The following ZDHHC11 variants were observed in gnomAD, a reference collection of about 807,000 sequenced individuals.
ZDHHC11 encodes the protein zDHHC palmitoyltransferase 11.
Under a neutral mutation model 51.3 loss-of-function variants are expected in ZDHHC11, and 44 were observed. That is an observed-to-expected ratio of 0.86 (90% CI 0.67 to 1.10). ZDHHC11 has a LOEUF of 1.10. Among genes scored for constraint, ZDHHC11 ranks in the 50% least tolerant of loss-of-function variants. ZDHHC11 has a pLI of 0.00. For synonymous variants in ZDHHC11, 163 were observed against 222.0 expected, an observed-to-expected ratio of 0.73 and a Z score of 2.36; for missense variants, 400 against 537.7, an observed-to-expected ratio of 0.74 and a Z score of 2.53.
intron 11 of ZDHHC11, among the ~76,000 whole-genome samples, chr5:813,051 C>T (rs1341694041): frequency 6.9e-6 from 1 of 144,404 alleles, no homozygotes; most frequent in African/African-American, 2.7e-5. Flanking sequence ...AAATGTTGCT[C>T]CATGGCCAGA....
At chr5:809,520 C>T (rs1367949016) in intron 11 of ZDHHC11, among the ~76,000 whole-genome samples, 1 of 150,364 alleles carries the variant, frequency 6.7e-6, no homozygotes, top group Non-Finnish European at 1.5e-5. Flanking sequence ...AGGAGGCCAT[C>T]GGAGAACCCG....
At chr5:853,416 G>A (rs553741216), upstream of ZDHHC11, among the ~76,000 whole-genome samples, 11 of 150,142 alleles carry the variant, frequency 7.3e-5, no homozygotes, top group Non-Finnish European at 1.0e-4. Context: ...AGTGAGCAGC[G>A]GGGACAGACC....
chr5:837,548 A>T, intron 5 of ZDHHC11, 68 bp from the exon 6 acceptor site: 1 of 1,531,784 alleles, frequency 6.5e-7, no homozygotes, highest in Non-Finnish European at 9.0e-7. Context: ...CCCACAGGAC[A>T]GCTCAGCAGA....
chr5:805,897 G>T (rs1739178090), intron 11 of ZDHHC11, among the ~76,000 whole-genome samples: 2 of 151,146 alleles, frequency 1.3e-5, no homozygotes, highest in African/African-American at 4.9e-5. Context: ...AGCGAGGATG[G>T]GGGTGGGATG....
At chr5:850,310 C>G (rs1470326437) in intron 1 of ZDHHC11, 71 bp downstream of exon 1, 2 of 1,531,274 alleles carry the variant, frequency 1.3e-6, no homozygotes, top group East Asian at 4.8e-5. Flanking sequence ...GCCCAGACCC[C>G]ACAGCCAGGT....
At chr5:844,763 G>A (rs1235880212) in intron 3 of ZDHHC11, among the ~76,000 whole-genome samples, 2 of 152,288 alleles carry the variant, frequency 1.3e-5, no homozygotes, top group Admixed American at 6.5e-5. Flanking sequence ...CAAGGGTCTC[G>A]TGCAAATCTG....
chr5:854,693 G>A (rs1032559427), upstream of ZDHHC11, among the ~76,000 whole-genome samples: 2 of 150,288 alleles, frequency 1.3e-5, no homozygotes, highest in Admixed American at 6.6e-5. Flanking sequence ...ATGGAGGACA[G>A]CAAGCCGGGG....
intron 1 of ZDHHC11, among the ~76,000 whole-genome samples, chr5:856,111 C>T (rs189661020): frequency 3.0e-4 from 45 of 152,202 alleles, no homozygotes; most frequent in Non-Finnish European, 4.0e-4. Context: ...TCGATACCAC[C>T]GTGGCCTGTA....
intron 11 of ZDHHC11, among the ~76,000 whole-genome samples, chr5:807,683 T>C (rs1254153232): frequency 6.6e-6 from 1 of 152,168 alleles, no homozygotes; most frequent in African/African-American, 2.4e-5. Context: ...CACAACCTTC[T>C]TGGGAAGAGA....
rs752913151 is a variant in ZDHHC11 at position 850,804 on chromosome 5, G to C, written c.-202C>G. The C allele has an allele frequency of 1.1e-4, 73 of 652,910 alleles. No homozygotes were observed. The highest frequency in any genetic ancestry group is 1.2e-4 in the Admixed American group (4 of 33,960). 40.4% of individuals were successfully genotyped at this position (652,910 alleles called of 1,614,324 possible). Reference sequence around the variant, plus strand: ...AGTCGGTGCAGGGCCCCGCCCAGGGGAATGAACAGACATGCTGCAGAATGT... The same window carrying C: ...AGTCGGTGCAGGGCCCCGCCCAGGGCAATGAACAGACATGCTGCAGAATGT... On this transcript the variant is annotated 5_prime_UTR_variant, in exon 1 of 13. Transcript: ENST00000283441.
intron 8 of ZDHHC11, among the ~76,000 whole-genome samples, chr5:824,660 AC>A (rs548057848): frequency 0.013 from 1,971 of 147,020 alleles, 19 homozygotes; most frequent in African/African-American, 0.046. Flanking sequence ...ACATAACCAC[AC>A]CCCCCCACAT....
chr5:809,004 C>G (rs540679401), intron 11 of ZDHHC11, among the ~76,000 whole-genome samples: 11 of 144,860 alleles, frequency 7.6e-5, no homozygotes, highest in Non-Finnish European at 1.2e-4. Context: ...CACACACACA[C>G]ACACACACAC....
Position 819,606 on chromosome 5 carries a change from C to T in ZDHHC11, c.1065G>A (p.Lys355=). The change falls in exon 10 of 13, where the codon AAG becomes AAA. Residue 355 remains lysine, a synonymous_variant. Transcript: ENST00000283441. ...TGCAAATCAGCCGGGAGTTCCTGGCCTTGGCTCTGGTGGGGCAAACAGAAG... is the reference window on the plus strand; with the variant it reads ...TGCAAATCAGCCGGGAGTTCCTGGCTTTGGCTCTGGTGGGGCAAACAGAAG... ...EDPCPSALGA[K]ARNSRLICRR... is the part of the protein sequence containing the mutation. 1 of 1,609,298 alleles carries T rather than the reference C, an allele frequency of 6.2e-7. No homozygotes were observed. Among genetic ancestry groups the T allele is most frequent in the Non-Finnish European group, 8.5e-7 (1 of 1,176,312 alleles).
At chr5:842,308 G>A in intron 4 of ZDHHC11, 1 of 986,780 alleles carries the variant, frequency 1.0e-6, no homozygotes, top group Non-Finnish European at 1.2e-6. Context: ...TGGGGGAGAA[G>A]AACGCAACAG....
chr5:819,489 C>T, intron 10 of ZDHHC11, 36 bp downstream of exon 10: 1 of 1,595,674 alleles, frequency 6.3e-7, no homozygotes, highest in Non-Finnish European at 8.6e-7. Context: ...GCACATGGCC[C>T]TGTCCTCGGG....
rs540438735 is a variant in ZDHHC11, at chr5:817,277, T to A, written c.1146+2248A>T. Among the ~76,000 whole-genome samples, 205 of 151,672 alleles carry A rather than the reference T, an allele frequency of 1.4e-3. 4 individuals are homozygous for A. The highest frequency in any genetic ancestry group is 6.8e-3 in the Middle Eastern group (2 of 294). Reference sequence around the variant, plus strand: ...CTGTACAGACTTTTCCCTTTGTACTTATCAATACTTTATACTATAGCTTTG... The same window carrying A: ...CTGTACAGACTTTTCCCTTTGTACTAATCAATACTTTATACTATAGCTTTG... On this transcript the variant is annotated intron_variant, in intron 10 of 12. Coordinates refer to ENST00000283441, the MANE Select transcript of ZDHHC11 (RefSeq NM_024786.3).
upstream of ZDHHC11, among the ~76,000 whole-genome samples, chr5:852,066 A>G (rs1049754505): frequency 4.2e-5 from 6 of 141,918 alleles, no homozygotes; most frequent in African/African-American, 1.5e-4. Context: ...AAAAAAAAAA[A>G]AAAGAAAGAA....
Position 797,436 on chromosome 5 carries a change from A to G in ZDHHC11, c.*8-856T>C, listed in dbSNP as rs1196953083. On this transcript the variant is annotated intron_variant, in intron 12 of 12. Transcript: ENST00000283441. ...CTCTTTCTAGGACTCTAAACATAAC[A>G]TAGCCTTCAAACTGTATTCTCATTC... Among the ~76,000 whole-genome samples the G allele has an allele frequency of 2.0e-5, 3 of 151,730 alleles. No homozygotes were observed. The South Asian group carries it at 6.2e-4, about 32-fold the overall frequency.
chr5:797,324 A>G (rs1737735100), intron 12 of ZDHHC11, among the ~76,000 whole-genome samples: 1 of 151,668 alleles, frequency 6.6e-6, no homozygotes, highest in African/African-American at 2.4e-5. Flanking sequence ...GGCTTTATGA[A>G]TCTGTGAGTT....
Sources: allele counts gnomAD v4.1 joint callset (sites outside exome capture counted in the v4.1 genomes callset), GRCh38; gene constraint gnomAD v4.1.1; transcripts MANE v1.5; gene names NCBI Gene and HGNC (gene_info 2026-07-23, HGNC 2026-07-21).